Variants in EZH2 observed in about 807,000 individuals in gnomAD.
EZH2 encodes histone-lysine N-methyltransferase EZH2.
In EZH2, 18 loss-of-function variants were observed where a neutral mutation model predicts 98.4. The observed-to-expected ratio is 0.18, with a 90% CI of 0.13 to 0.27. The LOEUF is 0.27. Among genes scored for constraint, EZH2 ranks in the 10% least tolerant of loss-of-function variants. The probability of loss-of-function intolerance (pLI) is 1.00; values close to 1 mark genes in which losing one functional copy is unlikely to be tolerated. For synonymous variants in EZH2, 338 were observed against 312.3 expected, an observed-to-expected ratio of 1.08 and a Z score of -0.87; for missense variants, 470 against 935.1, an observed-to-expected ratio of 0.50 and a Z score of 6.49.
At position 148,855,665 on chromosome 7, in the gene EZH2, C is replaced by T. The variant is rs139134713; in HGVS notation, c.-7-8360G>A. 8.0e-3 allele frequency among the ~76,000 whole-genome samples: 1,213 copies of T among 151,952 alleles called. 15 individuals are homozygous for T. Among genetic ancestry groups the T allele is most frequent in the South Asian group, 0.021 (102 of 4,800 alleles). The stretch of plus-strand genomic sequence containing the variant: ...CTGTAATCCCAGCACTTTGGGAGAC[C>T]GAGGCAGGTGGATCATGAGGTCAAG... On this transcript the variant is annotated intron_variant, in intron 1 of 19. Transcript: ENST00000320356.
intron 6 of EZH2, among the ~76,000 whole-genome samples, chr7:148,827,952 C>A (rs181547518): frequency 3.2e-4 from 49 of 152,232 alleles, no homozygotes; most frequent in African/African-American, 1.2e-3. Flanking sequence ...CCCGTCTCTA[C>A]TAAAAAATAC....
At chr7:148,808,931 T>C in intron 19 of EZH2, 140 bp downstream of exon 19, 1 of 640,318 alleles carries the variant, frequency 1.6e-6, no homozygotes, top group East Asian at 2.7e-5. Flanking sequence ...AACAGGAAAG[T>C]GTAACCTAAT....
intron 3 of EZH2, among the ~76,000 whole-genome samples, chr7:148,845,342 C>T (rs1214941270): frequency 6.6e-6 from 1 of 152,200 alleles, no homozygotes; most frequent in African/African-American, 2.4e-5. Flanking sequence ...CCTCTAACAT[C>T]TAGGCTCTGG....
intron 8 of EZH2, among the ~76,000 whole-genome samples, chr7:148,825,927 T>C (rs546385552): frequency 6.6e-6 from 1 of 152,328 alleles, no homozygotes; most frequent in East Asian, 1.9e-4. Flanking sequence ...AGGAAAAAAG[T>C]ATTTTTGTAT....
intron 15 of EZH2, among the ~76,000 whole-genome samples, chr7:148,812,824 C>CT (rs1263705160): frequency 1.3e-5 from 2 of 152,176 alleles, no homozygotes; most frequent in African/African-American, 4.8e-5. Flanking sequence ...ATCTAAATGT[C>CT]TAACAGAAAA....
At chr7:148,883,624 C>T (rs1283307703) in intron 1 of EZH2, 1 of 150,476 alleles carries the variant, frequency 6.6e-6, no homozygotes, top group Non-Finnish European at 1.5e-5. Flanking sequence ...CCACGCCCCT[C>T]TCCCGCCCGC....
At chr7:148,843,332 C>G (rs913258706) in intron 3 of EZH2, among the ~76,000 whole-genome samples, 1 of 151,892 alleles carries the variant, frequency 6.6e-6, no homozygotes, top group African/African-American at 2.4e-5. Context: ...GATTGTACCA[C>G]TGCACTCCAG....
intron 4 of EZH2, among the ~76,000 whole-genome samples, chr7:148,832,053 AG>A (rs1809538201): frequency 6.6e-6 from 1 of 152,232 alleles, no homozygotes; most frequent in South Asian, 2.1e-4. Flanking sequence ...CTTAGATTAC[AG>A]GACACTGACT....
intron 3 of EZH2, among the ~76,000 whole-genome samples, chr7:148,835,009 G>C (rs989326798): frequency 6.6e-6 from 1 of 152,166 alleles, no homozygotes; most frequent in East Asian, 1.9e-4. Context: ...TTAAAACCTG[G>C]ATTTAAAGTC....
At chr7:148,862,397 G>A (rs1265252582) in intron 1 of EZH2, among the ~76,000 whole-genome samples, 2 of 152,132 alleles carry the variant, frequency 1.3e-5, no homozygotes, top group Non-Finnish European at 1.5e-5. Flanking sequence ...TAAGTACTGG[G>A]AAGCTGTCAT....
chr7:148,830,953 A>T (rs185885244), intron 4 of EZH2, among the ~76,000 whole-genome samples: 1 of 152,344 alleles, frequency 6.6e-6, no homozygotes, highest in East Asian at 1.9e-4. Flanking sequence ...GTATTGGTTG[A>T]AAACAGAATT....
intron 5 of EZH2, 120 bp from the exon 6 acceptor site, chr7:148,829,000 T>C (rs73471821): frequency 4.0e-6 from 4 of 999,944 alleles, no homozygotes; most frequent in Non-Finnish European, 5.8e-6. Flanking sequence ...AACATTATTA[T>C]TGAAATGAGG....
rs897885462 is a variant in EZH2 at position 148,826,462 on chromosome 7, C to T, written c.899G>A (p.Cys300Tyr). 2.5e-6 allele frequency: 4 copies of T among 1,574,352 alleles called. No homozygotes were observed. The highest frequency in any genetic ancestry group is 1.7e-6 in the Non-Finnish European group (2 of 1,158,224). ...FKYDCFLHRK[C>Y]NYSFHATPNT... ...AGAAAATGAAAACGTACAATAATTG[C>T]ACTTACGATGTAGGAAGCAGTCATA... Residue 300 changes from cysteine to tyrosine, a missense_variant, in exon 8 of 20, where the codon TGC becomes TAC. Transcript: ENST00000320356.
At chr7:148,818,177 GA>G (rs1002156811) in intron 9 of EZH2, 60 bp from the exon 10 acceptor site, 279 of 1,456,926 alleles carry the variant, frequency 1.9e-4, no homozygotes, top group African/African-American at 7.6e-4. Flanking sequence ...TGATGGAAGA[GA>G]AAAAAAAATA....
intron 1 of EZH2, among the ~76,000 whole-genome samples, chr7:148,882,489 G>C (rs983247840): frequency 1.3e-5 from 2 of 152,172 alleles, no homozygotes; most frequent in African/African-American, 4.8e-5. Flanking sequence ...TAACTTTAGA[G>C]ACCATGAATA....
intron 8 of EZH2, among the ~76,000 whole-genome samples, chr7:148,824,583 A>C (rs190382002): frequency 2.0e-3 from 305 of 152,186 alleles, no homozygotes; most frequent in African/African-American, 7.1e-3. Context: ...GTGTAAGTAC[A>C]CTCTGTGTTT....
chr7:148,817,445 A>T, intron 10 of EZH2, 54 bp from the exon 11 acceptor site: 1 of 1,567,832 alleles, frequency 6.4e-7, no homozygotes. Context: ...TAATATTAAG[A>T]AGTACAATTC....
intron 1 of EZH2, among the ~76,000 whole-genome samples, chr7:148,883,005 T>C (rs954226487): frequency 3.9e-5 from 6 of 152,234 alleles, no homozygotes; most frequent in African/African-American, 1.2e-4. Flanking sequence ...ACATTTGTCA[T>C]AGCCATTCTA....
At chr7:148,875,368 G>A (rs1820030861) in intron 1 of EZH2, among the ~76,000 whole-genome samples, 1 of 152,120 alleles carries the variant, frequency 6.6e-6, no homozygotes, top group South Asian at 2.1e-4. Flanking sequence ...AACACAATCT[G>A]ACAGATAATG....
Sources: allele counts gnomAD v4.1 joint callset (sites outside exome capture counted in the v4.1 genomes callset), GRCh38; gene constraint gnomAD v4.1.1; transcripts MANE v1.5; gene names NCBI Gene and HGNC (gene_info 2026-07-23, HGNC 2026-07-21).